RBM33: variants seen among roughly 807,000 people sequenced by gnomAD.
RBM33 encodes RNA-binding protein 33.
In RBM33, 28 loss-of-function variants were observed where a neutral mutation model predicts 132.6. That is an observed-to-expected ratio of 0.21 (90% CI 0.16 to 0.29). The LOEUF (loss-of-function observed/expected upper bound fraction) is 0.29, where lower values mean the gene tolerates loss of function less well. Ranked by LOEUF, RBM33 falls within the 10% of genes least tolerant of loss-of-function variation. RBM33 has a pLI of 1.00. For missense variants in RBM33, 1,291 were observed against 1,518.5 expected (o/e 0.85, Z 2.49); for synonymous variants, 634 against 593.0 (o/e 1.07, Z -1.01).
intron 8 of RBM33, among the ~76,000 whole-genome samples, chr7:155,713,662 C>T (rs570864220): frequency 3.5e-4 from 53 of 152,172 alleles, no homozygotes; most frequent in Non-Finnish European, 5.0e-4. Flanking sequence ...AGATGGGGCA[C>T]GGACTTGAGG....
At chr7:155,714,521 A>G (rs1800402735) in intron 8 of RBM33, among the ~76,000 whole-genome samples, 1 of 152,160 alleles carries the variant, frequency 6.6e-6, no homozygotes, top group Admixed American at 6.5e-5. Flanking sequence ...ACTCCCTGAG[A>G]AATGAGAGGG....
At chr7:155,757,588 T>C (rs1417312987) in intron 14 of RBM33, among the ~76,000 whole-genome samples, 2 of 152,144 alleles carry the variant, frequency 1.3e-5, no homozygotes, top group East Asian at 3.9e-4. Flanking sequence ...ACAAAGATGT[T>C]CCAGCGCTTA....
intron 9 of RBM33, among the ~76,000 whole-genome samples, chr7:155,724,096 A>G (rs1436655016): frequency 1.3e-5 from 2 of 151,878 alleles, no homozygotes; most frequent in African/African-American, 4.8e-5. Context: ...GGGAAATCTT[A>G]GTTACCTGTT....
rs764455805 is a variant in RBM33 at position 155,774,226 on chromosome 7, AGAG to A, written c.3376-329_3376-327del. On this transcript the variant is annotated intron_variant, in intron 16 of 17. Transcript: ENST00000401878. The surrounding 1 kb of genome is among the most constrained non-coding windows in gnomAD (Gnocchi z 4.2). The stretch of plus-strand genomic sequence containing the variant: ...AATCACCTGATAAGAAGGCGTGAGA[AGAG>A]GAGATGTCTCTATCCAAGGGTACCT... Among the ~76,000 whole-genome samples the A allele has an allele frequency of 1.1e-4, 16 of 152,296 alleles. No individual in the cohort carries two copies. Among genetic ancestry groups the A allele is most frequent in the Non-Finnish European group, 1.9e-4 (13 of 68,014 alleles).
At chr7:155,679,656 C>T (rs1799283525) in intron 4 of RBM33, among the ~76,000 whole-genome samples, 1 of 152,220 alleles carries the variant, frequency 6.6e-6, no homozygotes, top group South Asian at 2.1e-4. Context: ...GTAATTTTTA[C>T]AGGTAAAAAT....
rs1585560071 is a variant in RBM33, at chr7:155,775,716, T to C, written c.*675T>C. 6.4e-6 allele frequency: 1 copy of C among 157,116 alleles called. No homozygotes were observed. Among genetic ancestry groups the C allele is most frequent in the East Asian group, 1.9e-4 (1 of 5,364 alleles). 9.7% of individuals were successfully genotyped at this position (157,116 alleles called of 1,614,324 possible). A position where few individuals can be genotyped will look rare whatever the true frequency, so the allele number is the denominator to read the frequency against. On this transcript the variant is annotated 3_prime_UTR_variant, in exon 18 of 18. Transcript: ENST00000401878. ...AACTCCCCATTCATTTTTAACACAC[T>C]TCCCAGATAAGGCAATGTGCTGGAC...
intron 14 of RBM33, among the ~76,000 whole-genome samples, chr7:155,753,443 T>C (rs980640025): frequency 1.3e-5 from 2 of 152,232 alleles, no homozygotes; most frequent in Non-Finnish European, 2.9e-5. Context: ...TTTTTTAGCC[T>C]CTAAGGTCCC....
At chr7:155,701,008 T>C (rs756042835) in intron 6 of RBM33, 64 bp downstream of exon 6, 10 of 1,374,914 alleles carry the variant, frequency 7.3e-6, no homozygotes, top group Non-Finnish European at 8.2e-6. Flanking sequence ...ATAGTATTGC[T>C]GTAATTAATC....
In RBM33 at chr7:155,706,952, C is replaced by T. The variant is rs769529217; in HGVS notation, c.832C>T (p.Arg278Trp). The T allele has an allele frequency of 5.0e-6, 8 of 1,603,298 alleles. No individual in the cohort carries two copies. Among genetic ancestry groups the T allele is most frequent in the East Asian group, 4.5e-5 (2 of 44,600 alleles). The change falls in exon 7 of 18, where the codon CGG becomes TGG. Residue 278 changes from arginine (R) to tryptophan (W), a missense_variant. Transcript: ENST00000401878. ...QGRYSSRRGG[R>W]RGGPLMCRGV... ...ACGCTACAGCTCCAGGCGGGGAGGA[C>T]GGCGAGGAGGTCCGCTGATGTGTCG...
chr7:155,660,023 T>C (rs1344316797), intron 1 of RBM33, among the ~76,000 whole-genome samples: 2 of 152,238 alleles, frequency 1.3e-5, no homozygotes, highest in African/African-American at 4.8e-5. Context: ...TTTAGTGCCC[T>C]CTTTAATATC....
At chr7:155,747,258 A>C (rs1801547334) in intron 14 of RBM33, among the ~76,000 whole-genome samples, 2 of 152,240 alleles carry the variant, frequency 1.3e-5, no homozygotes, top group African/African-American at 4.8e-5. Context: ...TCAAGCACTC[A>C]GTTTCTTCAG....
intron 1 of RBM33, among the ~76,000 whole-genome samples, chr7:155,657,507 G>GT (rs1798524946): frequency 6.6e-6 from 1 of 151,750 alleles, no homozygotes; most frequent in Non-Finnish European, 1.5e-5. Flanking sequence ...CTTTTTTTTC[G>GT]TTTTTTCTTA....
intron 3 of RBM33, among the ~76,000 whole-genome samples, chr7:155,673,940 G>GTTGTTTTTTGTTTTTTTT: frequency 2.4e-4 from 13 of 54,214 alleles, no homozygotes; most frequent in African/African-American, 1.1e-3. Flanking sequence ...TTTAGGCTTA[G>GTTGTTTTTTGTTTTTTTT]TTTTTTTTTT....
At chr7:155,670,532 A>C (rs1164910647) in intron 2 of RBM33, among the ~76,000 whole-genome samples, 3 of 152,230 alleles carry the variant, frequency 2.0e-5, no homozygotes, top group African/African-American at 7.2e-5. Flanking sequence ...CATAGTAGTT[A>C]GGACTTGGAT....
chr7:155,690,396 A>C (rs541959506), intron 5 of RBM33, among the ~76,000 whole-genome samples: 1 of 152,072 alleles, frequency 6.6e-6, no homozygotes, highest in Non-Finnish European at 1.5e-5. Context: ...TGAATATAGC[A>C]CAGTGAGGGG....
At chr7:155,766,243 G>A (rs989095806) in intron 15 of RBM33, among the ~76,000 whole-genome samples, 1 of 152,156 alleles carries the variant, frequency 6.6e-6, no homozygotes, top group Middle Eastern at 3.4e-3. Flanking sequence ...TGCAGGCTTC[G>A]TCAGCTCCCT....
At chr7:155,687,583 T>C (rs1213001852) in intron 5 of RBM33, among the ~76,000 whole-genome samples, 3 of 152,172 alleles carry the variant, frequency 2.0e-5, no homozygotes, top group African/African-American at 7.2e-5. Flanking sequence ...TTGCCTAGGT[T>C]TTCTTCTAGG....
At chr7:155,750,192 A>C (rs1444925530) in intron 14 of RBM33, among the ~76,000 whole-genome samples, 2 of 152,244 alleles carry the variant, frequency 1.3e-5, no homozygotes, top group African/African-American at 4.8e-5. Context: ...ATTACTTAGA[A>C]TATAGAAATA....
Position 155,721,890 on chromosome 7 carries a change from A to G in RBM33, c.1260+3447A>G, listed in dbSNP as rs115671168. ...TAAGAAATGATTTTTAAAACAAATAACTGAATGTCAAAATAAGTGTCTTAA... is the reference window on the plus strand; with the variant it reads ...TAAGAAATGATTTTTAAAACAAATAGCTGAATGTCAAAATAAGTGTCTTAA... On this transcript the variant is annotated intron_variant, in intron 9 of 17. Transcript: ENST00000401878. Among the ~76,000 whole-genome samples, 1,027 of 152,304 alleles carry G rather than the reference A, an allele frequency of 6.7e-3. 16 individuals carry two copies. Among genetic ancestry groups the G allele is most frequent in the African/African-American group, 0.024 (983 of 41,568 alleles).
Sources: allele counts gnomAD v4.1 joint callset (sites outside exome capture counted in the v4.1 genomes callset), GRCh38; gene constraint gnomAD v4.1.1; non-coding constraint Gnocchi (gnomAD v3.1); transcripts MANE v1.5; gene names NCBI Gene and HGNC (gene_info 2026-07-23, HGNC 2026-07-21).